The following KDM5B variants were observed in gnomAD, a reference collection of about 807,000 sequenced individuals.
KDM5B encodes the protein lysine demethylase 5B.
Under a neutral mutation model 193.4 loss-of-function variants are expected in KDM5B, and 144 were observed. The ratio of observed to expected loss-of-function variants is 0.74; its 90% CI spans 0.65 to 0.86. The LOEUF is 0.86. KDM5B is among the 40% of genes least tolerant of loss of function. The probability of loss-of-function intolerance (pLI) is 0.00; values close to 1 mark genes in which losing one functional copy is unlikely to be tolerated. For synonymous variants in KDM5B, 668 were observed against 682.6 expected (o/e 0.98, Z 0.33); for missense variants, 1,833 against 1,886.9 (o/e 0.97, Z 0.53).
intron 23 of KDM5B, 26 bp from the exon 24 acceptor site, chr1:202,731,965 TA>T: frequency 1.4e-6 from 2 of 1,456,626 alleles, no homozygotes; most frequent in Non-Finnish European, 1.9e-6. Flanking sequence ...CGTTTTATAA[TA>T]AAATCTCTTC....
intron 3 of KDM5B, 32 bp downstream of exon 3, chr1:202,774,581 T>A (rs773610808): frequency 1.3e-6 from 2 of 1,580,982 alleles, no homozygotes. Flanking sequence ...AGTAAGATTA[T>A]AAAATAAGTA....
intron 8 of KDM5B, 144 bp downstream of exon 8, chr1:202,760,271 G>T: frequency 1.8e-6 from 1 of 568,510 alleles, no homozygotes; most frequent in Non-Finnish European, 3.0e-6. Context: ...AGCCATGTTT[G>T]TGCCACTGCA....
At chr1:202,773,313 C>A in intron 3 of KDM5B, 25 bp from the exon 4 acceptor site, 1 of 1,605,716 alleles carries the variant, frequency 6.2e-7, no homozygotes, top group Non-Finnish European at 8.5e-7. Flanking sequence ...AAATTAGAAA[C>A]AACTATATGG....
intron 21 of KDM5B, 28 bp from the exon 22 acceptor site, chr1:202,735,615 G>A (rs773123032): frequency 6.2e-7 from 1 of 1,600,366 alleles, no homozygotes; most frequent in Non-Finnish European, 8.5e-7. Flanking sequence ...ACAACCAATG[G>A]TAAAATAAAT....
At chr1:202,793,840 G>A (rs1657735285) in intron 1 of KDM5B, among the ~76,000 whole-genome samples, 1 of 152,110 alleles carries the variant, frequency 6.6e-6, no homozygotes, top group Non-Finnish European at 1.5e-5. Context: ...AAGCCACAAG[G>A]TTACCAGAGA....
chr1:202,776,433 T>C (rs1241643145), intron 2 of KDM5B, among the ~76,000 whole-genome samples: 1 of 152,012 alleles, frequency 6.6e-6, no homozygotes, highest in Non-Finnish European at 1.5e-5. Flanking sequence ...ATGCCCAGCT[T>C]TGGGAGGCAG....
At chr1:202,800,331 C>CG (rs1179743260) in intron 1 of KDM5B, among the ~76,000 whole-genome samples, 1 of 151,094 alleles carries the variant, frequency 6.6e-6, no homozygotes, top group African/African-American at 2.4e-5. Context: ...TGTGAGCCAC[C>CG]GCACCCAGCC....
chr1:202,728,730 GA>G lies in KDM5B; in HGVS notation c.*305del. ...GAGGTAAAATTTTAATGCTGTACAT[GA>G]AAAGGTGCAAGCTTCAATGCCTTCC... On this transcript the variant is annotated 3_prime_UTR_variant, in exon 27 of 27. Transcript: ENST00000367265. 1 of 257,006 alleles carries G rather than the reference GA, an allele frequency of 3.9e-6. No individual in the cohort carries two copies. The highest frequency in any genetic ancestry group is 7.6e-6 in the Non-Finnish European group (1 of 132,196). 15.9% of individuals were successfully genotyped at this position (257,006 alleles called of 1,614,324 possible). A position where few individuals can be genotyped will look rare whatever the true frequency, so the allele number is the denominator to read the frequency against.
At chr1:202,754,700 T>C (rs760220319) in intron 11 of KDM5B, among the ~76,000 whole-genome samples, 17 of 152,376 alleles carry the variant, frequency 1.1e-4, no homozygotes, top group Admixed American at 4.6e-4. Context: ...CTTTTTGTTT[T>C]GAGGCAGAGT....
rs1458269575 is a variant in KDM5B, at chr1:202,730,935, A to C, written c.4150T>G (p.Ser1384Ala). The change falls in exon 25 of 27, where the codon TCA becomes GCA. Residue 1384 changes from serine (S) to alanine (A), a missense_variant. Ser to Ala is a moderately conservative substitution (Grantham distance 99, BLOSUM62 1). Coordinates refer to ENST00000367265, the MANE Select transcript of KDM5B (RefSeq NM_006618.5). Reference protein sequence around the residue: ...PSPAQQTDRSSPVRPSSEKND... With the variant: ...PSPAQQTDRSAPVRPSSEKND... Reference sequence around the variant, plus strand: ...TTCTCACTGCTGGGTCTCACTGGTGAGCTTCGGTCAGTCTGCTGAGCAGGG... The same window carrying C: ...TTCTCACTGCTGGGTCTCACTGGTGCGCTTCGGTCAGTCTGCTGAGCAGGG... 3 of 1,609,266 alleles carry C rather than the reference A, an allele frequency of 1.9e-6. No individual in the cohort carries two copies. Among genetic ancestry groups the C allele is most frequent in the Non-Finnish European group, 2.5e-6 (3 of 1,176,898 alleles).
chr1:202,745,819 C>T (rs1655529095), intron 16 of KDM5B, 39 bp downstream of exon 16: 1 of 1,611,518 alleles, frequency 6.2e-7, no homozygotes, highest in Non-Finnish European at 8.5e-7. Context: ...CAATAAGCCC[C>T]AATTTGCCAA....
intron 1 of KDM5B, among the ~76,000 whole-genome samples, chr1:202,803,956 A>G (rs1295934406): frequency 7.5e-6 from 1 of 132,606 alleles, no homozygotes; most frequent in Admixed American, 7.9e-5. Flanking sequence ...GGGGGGAGGG[A>G]AAGCATTAGG....
chr1:202,760,297 C>A, intron 8 of KDM5B, 118 bp downstream of exon 8: 1 of 713,784 alleles, frequency 1.4e-6, no homozygotes, highest in East Asian at 3.1e-5. Context: ...GCCTGGGCAA[C>A]AAAGTGAGTC....
intron 1 of KDM5B, among the ~76,000 whole-genome samples, chr1:202,803,940 G>A (rs201381248): frequency 8.2e-6 from 1 of 122,190 alleles, no homozygotes; most frequent in African/African-American, 3.1e-5. Context: ...GTTAGGGGTC[G>A]GGGGAGGGGG....
At chr1:202,799,736 A>G (rs2102345429) in intron 1 of KDM5B, among the ~76,000 whole-genome samples, 1 of 152,072 alleles carries the variant, frequency 6.6e-6, no homozygotes, top group Non-Finnish European at 1.5e-5. Flanking sequence ...CCCTTGATAA[A>G]CCTCTTTTTT....
intron 5 of KDM5B, among the ~76,000 whole-genome samples, chr1:202,766,203 A>G (rs1656450027): frequency 6.6e-6 from 1 of 152,194 alleles, no homozygotes; most frequent in Non-Finnish European, 1.5e-5. Context: ...TGAAAGAGCG[A>G]GACCACCTAT....
At chr1:202,806,339 A>G (rs1327542605) in intron 1 of KDM5B, among the ~76,000 whole-genome samples, 1 of 152,238 alleles carries the variant, frequency 6.6e-6, no homozygotes, top group Non-Finnish European at 1.5e-5. Context: ...GCAAATGTGC[A>G]ATATTCATAT....
At chr1:202,768,180 T>C (rs1656554144) in intron 4 of KDM5B, among the ~76,000 whole-genome samples, 1 of 152,224 alleles carries the variant, frequency 6.6e-6, no homozygotes, top group African/African-American at 2.4e-5. Flanking sequence ...CTTTGGTTTT[T>C]CTTTTTAGTT....
intron 14 of KDM5B, among the ~76,000 whole-genome samples, chr1:202,748,510 T>TA (rs35471222): frequency 0.37 from 53,994 of 145,158 alleles, 11,377 homozygotes; most frequent in Middle Eastern, 0.61. Context: ...CTATCTGATT[T>TA]AAAAAAAAAA....
Sources: allele counts gnomAD v4.1 joint callset (sites outside exome capture counted in the v4.1 genomes callset), GRCh38; gene constraint gnomAD v4.1.1; transcripts MANE v1.5; gene names NCBI Gene and HGNC (gene_info 2026-07-23, HGNC 2026-07-21).